Variants in PSD3 observed in about 807,000 individuals in gnomAD.
PSD3 encodes the protein PH and SEC7 domain-containing protein 3.
PSD3 carries 49 observed loss-of-function variants against 105.5 expected under a neutral mutation model. The observed-to-expected ratio is 0.46, with a 90% CI of 0.37 to 0.59. The LOEUF (loss-of-function observed/expected upper bound fraction) is 0.59, where lower values mean the gene tolerates loss of function less well. Among genes scored for constraint, PSD3 ranks in the 20% least tolerant of loss-of-function variants. The pLI is 0.00. For synonymous variants in PSD3, 557 were observed against 457.8 expected (o/e 1.22, Z -2.77); for missense variants, 1,561 against 1,263.8 (o/e 1.24, Z -3.57).
intron 1 of PSD3, among the ~76,000 whole-genome samples, chr8:19,028,712 T>C (rs1827655257): frequency 1.3e-5 from 2 of 152,202 alleles, no homozygotes; most frequent in South Asian, 4.1e-4. Flanking sequence ...CTGCCATTTT[T>C]GTTTATGGTT....
chr8:19,064,629 C>A (rs1295955072), intron 1 of PSD3, among the ~76,000 whole-genome samples: 2 of 152,008 alleles, frequency 1.3e-5, no homozygotes, highest in South Asian at 2.1e-4. Context: ...ATGAGGTCCC[C>A]CCTAGCAAAA....
chr8:18,780,691 C>T (rs1232289854), intron 8 of PSD3, among the ~76,000 whole-genome samples: 2 of 152,046 alleles, frequency 1.3e-5, no homozygotes, highest in Non-Finnish European at 2.9e-5. Context: ...GTAGCTGGGA[C>T]TACAGGTGCC....
At chr8:19,083,596 A>T (rs1368489546) in intron 1 of PSD3, among the ~76,000 whole-genome samples, 1 of 152,202 alleles carries the variant, frequency 6.6e-6, no homozygotes, top group Non-Finnish European at 1.5e-5. Context: ...CTAGAAAGTC[A>T]GGTGTTCATG....
At chr8:18,913,928 C>A (rs766689922) in intron 2 of PSD3, among the ~76,000 whole-genome samples, 4 of 152,178 alleles carry the variant, frequency 2.6e-5, no homozygotes, top group Non-Finnish European at 4.4e-5. Context: ...CTGGCCCCTG[C>A]AGATCCATGC....
rs149281150 is a variant in PSD3, at chr8:18,700,690, T to C, written c.2173-45005A>G. 1.1e-4 allele frequency among the ~76,000 whole-genome samples: 16 copies of C among 152,328 alleles called. No homozygotes were observed. In the East Asian group the frequency reaches 2.7e-3, roughly 26 times the overall value. Reference sequence around the variant, plus strand: ...CACCATCACACTGAAGACCAATACGTAGAATACTGCAACTTCCTTTTTTTT... The same window carrying C: ...CACCATCACACTGAAGACCAATACGCAGAATACTGCAACTTCCTTTTTTTT... On this transcript the variant is annotated intron_variant, in intron 9 of 15. Transcript: ENST00000327040.
intron 4 of PSD3, among the ~76,000 whole-genome samples, chr8:18,851,796 A>G (rs979502081): frequency 3.3e-5 from 5 of 152,252 alleles, no homozygotes; most frequent in Non-Finnish European, 7.3e-5. Context: ...CCAAAGAGCT[A>G]CACAGATTCT....
chr8:18,981,319 C>T (rs1465869087), intron 1 of PSD3, among the ~76,000 whole-genome samples: 1 of 152,044 alleles, frequency 6.6e-6, no homozygotes, highest in African/African-American at 2.4e-5. Flanking sequence ...AAAAAAAGTC[C>T]ACTCATTATT....
chr8:19,048,933 C>T (rs1158378841), intron 1 of PSD3, among the ~76,000 whole-genome samples: 2 of 152,184 alleles, frequency 1.3e-5, no homozygotes, highest in African/African-American at 4.8e-5. Context: ...CTTCTAAAGC[C>T]TCTCTCCTTT....
intron 10 of PSD3, among the ~76,000 whole-genome samples, chr8:18,638,435 T>C (rs369462415): frequency 6.5e-4 from 99 of 152,036 alleles, no homozygotes; most frequent in African/African-American, 2.3e-3. Context: ...CTAAAGTCAG[T>C]AAAGTTTTAG....
chr8:18,572,743 C>T (rs374253243), intron 13 of PSD3, 71 bp from the exon 14 acceptor site: 8 of 1,525,830 alleles, frequency 5.2e-6, no homozygotes, highest in South Asian at 3.6e-5. Context: ...GCCTATTTCA[C>T]GTTACTGATT....
intron 9 of PSD3, among the ~76,000 whole-genome samples, chr8:18,731,694 C>G (rs1013333628): frequency 6.6e-6 from 1 of 152,160 alleles, no homozygotes; most frequent in Non-Finnish European, 1.5e-5. Context: ...GTGTTCTACT[C>G]AGGAAATTAA....
In PSD3 at chr8:18,717,941, G is replaced by T. The variant is rs577761143; in HGVS notation, c.2172+47508C>A. Among the ~76,000 whole-genome samples, 3 of 152,324 alleles carry T rather than the reference G, an allele frequency of 2.0e-5. No individual in the cohort carries two copies. In the East Asian group the frequency reaches 5.8e-4, roughly 29 times the overall value. The stretch of plus-strand genomic sequence containing the variant: ...AGGATTAGACTAAATGCTGAAGCTG[G>T]CTCAGTGGGACTGGTGATGGCCAGC... On this transcript the variant is annotated intron_variant, in intron 9 of 15. Coordinates refer to ENST00000327040, the MANE Select transcript of PSD3 (RefSeq NM_015310.4).
chr8:19,070,534 C>T (rs1829219648), intron 1 of PSD3, among the ~76,000 whole-genome samples: 1 of 152,014 alleles, frequency 6.6e-6, no homozygotes, highest in Admixed American at 6.6e-5. Context: ...AAAAATTAGC[C>T]AGGCTTGGTG....
intron 15 of PSD3, among the ~76,000 whole-genome samples, chr8:18,551,659 G>A (rs1220373290): frequency 6.6e-6 from 1 of 152,082 alleles, no homozygotes; most frequent in Non-Finnish European, 1.5e-5. Context: ...TGCTACTCTG[G>A]GTCGCAATTC....
intron 1 of PSD3, among the ~76,000 whole-genome samples, chr8:19,067,561 T>C (rs1234589149): frequency 5.3e-5 from 8 of 152,062 alleles, no homozygotes; most frequent in African/African-American, 9.7e-5. Context: ...CCAACATAAG[T>C]GGGCTGGTAG....
At chr8:19,003,971 C>G (rs1826535322) in intron 1 of PSD3, among the ~76,000 whole-genome samples, 2 of 152,004 alleles carry the variant, frequency 1.3e-5, no homozygotes, top group African/African-American at 4.8e-5. Context: ...GATCTTAAGA[C>G]TTGCATGGGG....
At chr8:18,766,777 T>G (rs1009093473) in intron 8 of PSD3, among the ~76,000 whole-genome samples, 4 of 152,252 alleles carry the variant, frequency 2.6e-5, no homozygotes, top group African/African-American at 9.6e-5. Flanking sequence ...TTGTGACCAC[T>G]GGGCTCTAGT....
chr8:18,911,252 C>G (rs1353228157), intron 2 of PSD3, among the ~76,000 whole-genome samples: 4 of 152,078 alleles, frequency 2.6e-5, no homozygotes, highest in Non-Finnish European at 5.9e-5. Context: ...ACTGAAATAA[C>G]AAAAATAAAG....
intron 9 of PSD3, among the ~76,000 whole-genome samples, chr8:18,677,951 A>C (rs575745753): frequency 6.6e-6 from 1 of 150,746 alleles, no homozygotes; most frequent in South Asian, 2.1e-4. Context: ...CAGAGCTTGC[A>C]GTGAGCCGAG....
Sources: allele counts gnomAD v4.1 joint callset (sites outside exome capture counted in the v4.1 genomes callset), GRCh38; gene constraint gnomAD v4.1.1; transcripts MANE v1.5; gene names NCBI Gene and HGNC (gene_info 2026-07-23, HGNC 2026-07-21).